CADM2: variants seen among roughly 807,000 people sequenced by gnomAD.
The protein encoded by CADM2 is immunoglobulin superfamily member 4D.
CADM2 carries 12 observed loss-of-function variants against 49.8 expected under a neutral mutation model. That is an observed-to-expected ratio of 0.24 (90% CI 0.15 to 0.39). CADM2 has a LOEUF of 0.39. Ranked by LOEUF, CADM2 falls within the 10% of genes least tolerant of loss-of-function variation. The pLI is 1.00. For synonymous variants in CADM2, 214 were observed against 175.4 expected (o/e 1.22, Z -1.74); for missense variants, 378 against 492.3 (o/e 0.77, Z 2.20).
intron 8 of CADM2, among the ~76,000 whole-genome samples, chr3:85,995,391 T>C (rs1729257763): frequency 6.6e-6 from 1 of 152,164 alleles, no homozygotes; most frequent in South Asian, 2.1e-4. Context: ...ATGAAGTCAC[T>C]CAATGTAAAA....
intron 6 of CADM2, among the ~76,000 whole-genome samples, chr3:85,927,176 G>A (rs140663296): frequency 5.3e-5 from 8 of 152,216 alleles, no homozygotes; most frequent in East Asian, 1.9e-4. Context: ...TAGTTGTGAC[G>A]AGTAAATTTG....
chr3:85,603,681 G>A (rs2063478746), intron 1 of CADM2, among the ~76,000 whole-genome samples: 1 of 151,778 alleles, frequency 6.6e-6, no homozygotes, highest in African/African-American at 2.4e-5. Flanking sequence ...CTCTGTACTT[G>A]GTAGAGATCT....
chr3:85,499,364 G>A (rs2040026310), intron 1 of CADM2, among the ~76,000 whole-genome samples: 2 of 151,978 alleles, frequency 1.3e-5, no homozygotes, highest in Non-Finnish European at 2.9e-5. Flanking sequence ...ATCTCCTACT[G>A]GTTAAGCTGC....
At chr3:85,111,281 GTT>G (rs944211334) in intron 1 of CADM2, among the ~76,000 whole-genome samples, 1 of 151,724 alleles carries the variant, frequency 6.6e-6, no homozygotes, top group African/African-American at 2.4e-5. Flanking sequence ...TGGTCCAGAA[GTT>G]TGCTTTAAAT....
chr3:86,009,216 T>TG (rs1328864649), intron 8 of CADM2, among the ~76,000 whole-genome samples: 1 of 145,106 alleles, frequency 6.9e-6, no homozygotes, highest in Non-Finnish European at 1.5e-5. Context: ...TGTATGTGTG[T>TG]GTATATATAT....
rs541798265 is a variant in CADM2, at chr3:85,919,075, T to G, written c.700+6532T>G. 3.6e-4 allele frequency among the ~76,000 whole-genome samples: 54 copies of G among 152,104 alleles called. No homozygotes were observed. The South Asian group carries it at 0.011, about 31-fold the overall frequency. ...CTAAAATATGTCAGACTATTGTGTG[T>G]TTTTCCTGAAAAAGCATTTTAATAC... On this transcript the variant is annotated intron_variant, in intron 6 of 9. Transcript: ENST00000383699.
intron 1 of CADM2, among the ~76,000 whole-genome samples, chr3:85,053,515 G>A (rs981263255): frequency 2.6e-5 from 4 of 151,872 alleles, no homozygotes; most frequent in Non-Finnish European, 5.9e-5. Flanking sequence ...AACACTTAAG[G>A]CTCTGTGGTG....
intron 1 of CADM2, among the ~76,000 whole-genome samples, chr3:85,304,421 G>T (rs918808539): frequency 4.0e-5 from 6 of 151,732 alleles, no homozygotes; most frequent in Non-Finnish European, 8.9e-5. Context: ...ATTTAAAGAT[G>T]TTAATTAAAT....
At chr3:85,023,700 G>T (rs1319714983) in intron 1 of CADM2, among the ~76,000 whole-genome samples, 1 of 152,002 alleles carries the variant, frequency 6.6e-6, no homozygotes, top group East Asian at 1.9e-4. Context: ...TTTCAACATG[G>T]AAAAATTTCT....
chr3:85,295,583 C>T (rs2043936991), intron 1 of CADM2, among the ~76,000 whole-genome samples: 1 of 151,934 alleles, frequency 6.6e-6, no homozygotes, highest in African/African-American at 2.4e-5. Flanking sequence ...AAATGTGGCA[C>T]ATATACACCA....
rs1244500817 is a variant in CADM2 at position 85,672,255 on chromosome 3, T to C, written c.62-54267T>C. 2.7e-5 allele frequency among the ~76,000 whole-genome samples: 4 copies of C among 148,238 alleles called. No homozygotes were observed. In the East Asian group the frequency reaches 6.1e-4, roughly 23 times the overall value. On this transcript the variant is annotated intron_variant, in intron 1 of 9. Transcript: ENST00000383699. Reference sequence around the variant, plus strand: ...TCGCCCAGGCCAGAGTGCAGTGGCATGATCTCTGCTCACTGCAAGCTCCGC... The same window carrying C: ...TCGCCCAGGCCAGAGTGCAGTGGCACGATCTCTGCTCACTGCAAGCTCCGC...
At chr3:85,360,831 G>A (rs890652496) in intron 1 of CADM2, among the ~76,000 whole-genome samples, 12 of 152,032 alleles carry the variant, frequency 7.9e-5, no homozygotes, top group Admixed American at 5.2e-4. Flanking sequence ...CCTCAGTACC[G>A]TTGTGTATCT....
chr3:86,058,683 C>T (rs1322724980), intron 8 of CADM2, among the ~76,000 whole-genome samples: 1 of 151,714 alleles, frequency 6.6e-6, no homozygotes, highest in Non-Finnish European at 1.5e-5. Context: ...TAAAAATGTC[C>T]TTGGAACTTA....
intron 1 of CADM2, among the ~76,000 whole-genome samples, chr3:85,514,700 G>T (rs2060851597): frequency 6.6e-6 from 1 of 152,068 alleles, no homozygotes; most frequent in Admixed American, 6.5e-5. Flanking sequence ...CTCATGAGTT[G>T]CTCCTTAAAG....
intron 1 of CADM2, among the ~76,000 whole-genome samples, chr3:85,370,453 A>T (rs190857402): frequency 6.6e-6 from 1 of 151,712 alleles, no homozygotes; most frequent in Non-Finnish European, 1.5e-5. Context: ...GAACTAAAAT[A>T]TAATGGAGCT....
chr3:85,434,869 G>T (rs1457337553), intron 1 of CADM2, among the ~76,000 whole-genome samples: 7 of 152,022 alleles, frequency 4.6e-5, no homozygotes, highest in Admixed American at 6.6e-5. Flanking sequence ...TTGCTGAGTC[G>T]CTTTGACTGT....
At position 85,441,963 on chromosome 3, in the gene CADM2, G is replaced by T. The variant is rs2037221768; in HGVS notation, c.62-284559G>T. ...ATAAATTAGCTAAAAATAAATGCAT[G>T]CAGAGACAGATACCTGATTAAGTCT... On this transcript the variant is annotated intron_variant, in intron 1 of 9. Transcript: ENST00000383699. Among the ~76,000 whole-genome samples, 3 of 152,030 alleles carry T rather than the reference G, an allele frequency of 2.0e-5. No individual in the cohort carries two copies. In the South Asian group the frequency reaches 6.2e-4, roughly 31 times the overall value.
chr3:85,554,796 C>A (rs900209941), intron 1 of CADM2, among the ~76,000 whole-genome samples: 14 of 90,872 alleles, frequency 1.5e-4, no homozygotes, highest in African/African-American at 3.9e-4. Context: ...TGAGCTCAGG[C>A]AATCCTCCCG....
At chr3:85,003,599 A>G (rs1419871945) in intron 1 of CADM2, among the ~76,000 whole-genome samples, 1 of 152,112 alleles carries the variant, frequency 6.6e-6, no homozygotes, top group Non-Finnish European at 1.5e-5. Flanking sequence ...AAATATGACT[A>G]CTTAAGACTA....
Sources: allele counts gnomAD v4.1 joint callset (sites outside exome capture counted in the v4.1 genomes callset), GRCh38; gene constraint gnomAD v4.1.1; transcripts MANE v1.5; gene names NCBI Gene and HGNC (gene_info 2026-07-23, HGNC 2026-07-21).